Variants in RIPOR2 observed in about 807,000 individuals in gnomAD.
The protein encoded by RIPOR2 is rho family-interacting cell polarization regulator 2.
Under a neutral mutation model 114.5 loss-of-function variants are expected in RIPOR2, and 39 were observed. That is an observed-to-expected ratio of 0.34 (90% CI 0.26 to 0.44). RIPOR2 has a LOEUF of 0.44. RIPOR2 is among the 20% of genes least tolerant of loss of function. The pLI is 1.00. For synonymous variants in RIPOR2, 445 were observed against 484.4 expected, an observed-to-expected ratio of 0.92 and a Z score of 1.07; for missense variants, 1,007 against 1,255.1, an observed-to-expected ratio of 0.80 and a Z score of 2.99.
intron 1 of RIPOR2, among the ~76,000 whole-genome samples, chr6:25,017,397 T>C (rs1300162129): frequency 1.3e-5 from 2 of 152,234 alleles, no homozygotes; most frequent in Non-Finnish European, 2.9e-5. Flanking sequence ...TTTACTGTCT[T>C]ACATCTAGAT....
At chr6:24,854,362 C>A (rs553887507) in intron 8 of RIPOR2, among the ~76,000 whole-genome samples, 1 of 152,120 alleles carries the variant, frequency 6.6e-6, no homozygotes, top group Non-Finnish European at 1.5e-5. Flanking sequence ...CATGGGTGTA[C>A]AGATACTTCC....
intron 19 of RIPOR2, among the ~76,000 whole-genome samples, chr6:24,818,888 C>T (rs1192408618): frequency 2.0e-5 from 3 of 151,418 alleles, no homozygotes; most frequent in Non-Finnish European, 2.9e-5. Flanking sequence ...ACATAATGAC[C>T]GTGGGCTTTT....
chr6:25,008,202 A>ATT lies in RIPOR2; in HGVS notation c.76+33647_76+33648dup, dbSNP rs11368960. The stretch of plus-strand genomic sequence containing the variant: ...CTTTGCAGATATAATTAAGTTAAGC[A>ATT]TTTTTTTTTTCAACCATGTTGGTCA... On this transcript the variant is annotated intron_variant, in intron 1 of 13. Coordinates refer to the RIPOR2 transcript ENST00000510784. 1.2e-3 allele frequency among the ~76,000 whole-genome samples: 173 copies of ATT among 150,298 alleles called. 1 individual carries two copies. Among genetic ancestry groups the ATT allele is most frequent in the South Asian group, 4.2e-3 (20 of 4,754 alleles).
intron 1 of RIPOR2, among the ~76,000 whole-genome samples, chr6:25,016,310 C>A (rs2113695327): frequency 6.6e-6 from 1 of 152,270 alleles, no homozygotes. Context: ...AATAAGCCCA[C>A]AATGTTGAAA....
At chr6:24,822,850 C>T (rs1327237841) in intron 19 of RIPOR2, among the ~76,000 whole-genome samples, 6 of 152,136 alleles carry the variant, frequency 3.9e-5, no homozygotes, top group African/African-American at 1.4e-4. Flanking sequence ...CCTGTTGAGT[C>T]ATAAGGTTGC....
Position 24,879,276 on chromosome 6 carries a change from G to A in RIPOR2, c.62-3459C>T, listed in dbSNP as rs549445223. Among the ~76,000 whole-genome samples the A allele has an allele frequency of 2.2e-4, 33 of 152,320 alleles. 1 individual carries two copies. In the South Asian group the frequency reaches 6.6e-3, roughly 31 times the overall value. On this transcript the variant is annotated intron_variant, in intron 1 of 21. Coordinates refer to ENST00000643898, the MANE Select transcript of RIPOR2 (RefSeq NM_001286445.3). ...CAGCAGAATCGCTTGAACCTGGGAG[G>A]TGGCGGCTGCCGTGAGAGGAGATCG...
At chr6:25,016,645 A>C (rs1776018485) in intron 1 of RIPOR2, among the ~76,000 whole-genome samples, 2 of 152,236 alleles carry the variant, frequency 1.3e-5, no homozygotes. Context: ...CAAGCAACAC[A>C]CAACAAAAGT....
intron 1 of RIPOR2, among the ~76,000 whole-genome samples, chr6:24,974,937 T>C (rs965728166): frequency 3.3e-5 from 5 of 152,164 alleles, no homozygotes; most frequent in East Asian, 1.9e-4. Flanking sequence ...ATGTAAAGAA[T>C]AAGCTAATCT....
Position 24,806,358 on chromosome 6 carries a change from G to A in RIPOR2, c.*15C>T. On this transcript the variant is annotated 3_prime_UTR_variant, in exon 22 of 22. Transcript: ENST00000643898. ...GGCCAGATATTAAGACAGCTGTTAG[G>A]CAGTTAACCTGTAATTAAAAGGCTG... is the stretch of plus-strand genomic sequence containing the variant. 1 of 1,493,218 alleles carries A rather than the reference G, an allele frequency of 6.7e-7. No individual in the cohort carries two copies. Among genetic ancestry groups the A allele is most frequent in the Non-Finnish European group, 9.1e-7 (1 of 1,093,656 alleles). The allele number at this position is 1,493,218 out of a possible 1,614,324, so 92.5% of individuals were successfully genotyped here.
At chr6:24,918,477 C>T (rs1770249890) in intron 1 of RIPOR2, among the ~76,000 whole-genome samples, 1 of 152,150 alleles carries the variant, frequency 6.6e-6, no homozygotes, top group Non-Finnish European at 1.5e-5. Context: ...TTTTCCAACT[C>T]CCTGCCCCCA....
intron 1 of RIPOR2, among the ~76,000 whole-genome samples, chr6:25,002,654 A>C (rs1229008273): frequency 6.6e-6 from 1 of 152,240 alleles, no homozygotes; most frequent in South Asian, 2.1e-4. Flanking sequence ...GATATACAAC[A>C]TGTTATTTCT....
chr6:24,875,843 C>A (rs558648570), intron 1 of RIPOR2, 26 bp from the exon 2 acceptor site: 5 of 1,579,584 alleles, frequency 3.2e-6, no homozygotes, highest in African/African-American at 1.3e-5. Context: ...AAGATCATGA[C>A]AATTTATAGG....
chr6:24,847,820 T>A, intron 12 of RIPOR2: 1 of 1,163,662 alleles, frequency 8.6e-7, no homozygotes, highest in South Asian at 1.6e-5. Context: ...TTTAAAAGGC[T>A]GATCTTAGAG....
intron 1 of RIPOR2, among the ~76,000 whole-genome samples, chr6:24,991,795 C>G (rs1175991658): frequency 6.6e-6 from 1 of 152,154 alleles, no homozygotes; most frequent in African/African-American, 2.4e-5. Flanking sequence ...AGAATAGCCT[C>G]CTAGAGACAG....
At chr6:24,822,849 T>C (rs1342882364) in intron 19 of RIPOR2, among the ~76,000 whole-genome samples, 1 of 152,142 alleles carries the variant, frequency 6.6e-6, no homozygotes. Context: ...GCCTGTTGAG[T>C]CATAAGGTTG....
At chr6:24,833,501 A>AAAAAAC (rs532471352) in intron 15 of RIPOR2, among the ~76,000 whole-genome samples, 1 of 151,820 alleles carries the variant, frequency 6.6e-6, no homozygotes, top group African/African-American at 2.4e-5. Context: ...ATTGTCTCAA[A>AAAAAAC]AAAAACAAAA....
chr6:24,948,366 G>T (rs747102300), intron 1 of RIPOR2: 6 of 152,134 alleles, frequency 3.9e-5, no homozygotes, highest in Non-Finnish European at 7.3e-5. Context: ...TCCCCTCATT[G>T]GGCCTCAAAA....
intron 1 of RIPOR2, among the ~76,000 whole-genome samples, chr6:24,983,480 GGC>G (rs1774388596): frequency 6.6e-6 from 1 of 152,132 alleles, no homozygotes; most frequent in Non-Finnish European, 1.5e-5. Context: ...CCTGAGGCCA[GGC>G]GCGGTGGCTT....
chr6:24,861,494 T>C (rs1394256973), intron 7 of RIPOR2, among the ~76,000 whole-genome samples: 14 of 152,192 alleles, frequency 9.2e-5, no homozygotes, highest in Non-Finnish European at 4.4e-5. Context: ...AAATGGACAA[T>C]ATGTTATATA....
Sources: allele counts gnomAD v4.1 joint callset (sites outside exome capture counted in the v4.1 genomes callset), GRCh38; gene constraint gnomAD v4.1.1; transcripts MANE v1.5; gene names NCBI Gene and HGNC (gene_info 2026-07-23, HGNC 2026-07-21).